TBC1D22A: variants seen among roughly 807,000 people sequenced by gnomAD.
The protein encoded by TBC1D22A is TBC1 domain family member 22A, also known as putative GTPase activator.
TBC1D22A carries 38 observed loss-of-function variants against 60.2 expected under a neutral mutation model. That is an observed-to-expected ratio of 0.63 (90% CI 0.49 to 0.83). The LOEUF is 0.83. Among genes scored for constraint, TBC1D22A ranks in the 40% least tolerant of loss-of-function variants. The pLI, the probability that TBC1D22A is intolerant of heterozygous loss-of-function variation, is 0.00. For synonymous variants in TBC1D22A, 302 were observed against 281.7 expected, an observed-to-expected ratio of 1.07 and a Z score of -0.72; for missense variants, 628 against 701.0, an observed-to-expected ratio of 0.90 and a Z score of 1.18.
intron 12 of TBC1D22A, among the ~76,000 whole-genome samples, chr22:47,138,365 G>A (rs976646890): frequency 5.9e-5 from 9 of 151,962 alleles, no homozygotes; most frequent in East Asian, 1.9e-4. Context: ...GGGGAGGAGC[G>A]AGCAGTAGGA....
chr22:46,851,038 G>GT (rs2087249647), intron 4 of TBC1D22A, among the ~76,000 whole-genome samples: 1 of 152,178 alleles, frequency 6.6e-6, no homozygotes, highest in Non-Finnish European at 1.5e-5. Flanking sequence ...ACAGGCACGT[G>GT]GTTCCTGTAT....
chr22:47,169,444 T>C (rs889440717), intron 12 of TBC1D22A, among the ~76,000 whole-genome samples: 17 of 152,198 alleles, frequency 1.1e-4, no homozygotes, highest in Admixed American at 9.8e-4. Flanking sequence ...GCCAGGACAA[T>C]GGGGCATTTT....
At chr22:46,942,314 G>A (rs1202313711) in intron 8 of TBC1D22A, among the ~76,000 whole-genome samples, 1 of 151,944 alleles carries the variant, frequency 6.6e-6, no homozygotes, top group Non-Finnish European at 1.5e-5. Context: ...TTCTGTATTT[G>A]GGTGAAAAGC....
intron 5 of TBC1D22A, among the ~76,000 whole-genome samples, chr22:46,884,618 G>A (rs1422113348): frequency 1.3e-5 from 2 of 152,222 alleles, no homozygotes; most frequent in East Asian, 3.9e-4. Flanking sequence ...GGTGGCCCCT[G>A]TGGTCTGTAG....
At position 47,120,904 on chromosome 22, in the gene TBC1D22A, C is replaced by T. The variant is rs529573592; in HGVS notation, c.1425+9301C>T. Among the ~76,000 whole-genome samples, 4 of 152,344 alleles carry T rather than the reference C, an allele frequency of 2.6e-5. No individual in the cohort carries two copies. The South Asian group carries it at 8.3e-4, about 32-fold the overall frequency. ...TAGCCCAAGAAAATGCCAGTTCACTCTAGAGTGGCACGTTTTAAGCACAAC... is the reference window on the plus strand; with the variant it reads ...TAGCCCAAGAAAATGCCAGTTCACTTTAGAGTGGCACGTTTTAAGCACAAC... On this transcript the variant is annotated intron_variant, in intron 12 of 12. Transcript: ENST00000337137.
intron 8 of TBC1D22A, among the ~76,000 whole-genome samples, chr22:46,972,293 G>A (rs764328699): frequency 2.0e-5 from 3 of 152,176 alleles, no homozygotes; most frequent in Non-Finnish European, 4.4e-5. Context: ...AGGGCGTCAG[G>A]TCTCTCACTC....
chr22:46,992,068 T>C (rs532337607), intron 9 of TBC1D22A, among the ~76,000 whole-genome samples: 2 of 152,300 alleles, frequency 1.3e-5, no homozygotes, highest in East Asian at 3.9e-4. Context: ...CAGACTGTCA[T>C]CCCTGTGAAC....
rs115688659 is a variant in TBC1D22A, at chr22:47,110,042, C to T, written c.1330-1466C>T. On this transcript the variant is annotated intron_variant, in intron 11 of 12. Transcript: ENST00000337137. ...CCGAGGATCTGTACCCCAGATGTTC[C>T]TGCCATTGCTTGCCTCTGCTCGCCT... Among the ~76,000 whole-genome samples, 970 of 152,266 alleles carry T rather than the reference C, an allele frequency of 6.4e-3. 13 individuals are homozygous for T. The highest frequency in any genetic ancestry group is 0.023 in the African/African-American group (937 of 41,542).
intron 8 of TBC1D22A, among the ~76,000 whole-genome samples, chr22:46,920,486 C>T (rs1350369931): frequency 6.6e-6 from 1 of 152,080 alleles, no homozygotes; most frequent in South Asian, 2.1e-4. Context: ...TCCATATATT[C>T]CCTAAAACTC....
chr22:46,856,227 G>A (rs368538064), intron 4 of TBC1D22A, among the ~76,000 whole-genome samples: 4 of 152,200 alleles, frequency 2.6e-5, no homozygotes, highest in East Asian at 1.9e-4. Context: ...GAGCCTCTGC[G>A]TGGCTGCCCC....
chr22:46,987,650 T>A (rs992913192), intron 9 of TBC1D22A, among the ~76,000 whole-genome samples: 11 of 152,330 alleles, frequency 7.2e-5, no homozygotes, highest in African/African-American at 2.6e-4. Context: ...CAAAACTACT[T>A]TATTGCTAGA....
At chr22:46,884,737 A>G (rs908141819) in intron 5 of TBC1D22A, among the ~76,000 whole-genome samples, 1 of 152,194 alleles carries the variant, frequency 6.6e-6, no homozygotes, top group Non-Finnish European at 1.5e-5. Context: ...GGTGGGCAGG[A>G]TTGGCTGATG....
chr22:47,107,821 T>C (rs2065692502), intron 11 of TBC1D22A, among the ~76,000 whole-genome samples: 1 of 152,242 alleles, frequency 6.6e-6, no homozygotes, highest in South Asian at 2.1e-4. Flanking sequence ...GCTGGAACAA[T>C]TGGATATCCA....
At chr22:47,155,243 G>A (rs1569475947) in intron 12 of TBC1D22A, among the ~76,000 whole-genome samples, 1 of 152,052 alleles carries the variant, frequency 6.6e-6, no homozygotes, top group East Asian at 1.9e-4. Context: ...GAATTACAAG[G>A]ACAGTATACA....
At chr22:46,771,613 G>A (rs79260093) in intron 1 of TBC1D22A, among the ~76,000 whole-genome samples, 7 of 133,724 alleles carry the variant, frequency 5.2e-5, no homozygotes, top group Non-Finnish European at 8.0e-5. Context: ...TTTTTTTTTT[G>A]AGATGGAGTC....
At chr22:46,816,072 T>C (rs1236079732) in intron 4 of TBC1D22A, among the ~76,000 whole-genome samples, 1 of 152,218 alleles carries the variant, frequency 6.6e-6, no homozygotes, top group Non-Finnish European at 1.5e-5. Flanking sequence ...ACTCACACCC[T>C]TGGGATAGGG....
intron 4 of TBC1D22A, among the ~76,000 whole-genome samples, chr22:46,817,899 C>T (rs1287901399): frequency 6.6e-6 from 1 of 152,198 alleles, no homozygotes; most frequent in African/African-American, 2.4e-5. Context: ...TCCCATTTCT[C>T]CGTAGCCTCA....
intron 8 of TBC1D22A, among the ~76,000 whole-genome samples, chr22:46,966,475 A>T: frequency 6.6e-6 from 1 of 152,214 alleles, no homozygotes. Flanking sequence ...TCTCACACAT[A>T]GAAGTGTTTG....
At chr22:47,056,369 G>A (rs1661593686) in intron 11 of TBC1D22A, among the ~76,000 whole-genome samples, 1 of 152,096 alleles carries the variant, frequency 6.6e-6, no homozygotes, top group South Asian at 2.1e-4. Flanking sequence ...AAGGCACAGG[G>A]CTGCCTGTGA....
Sources: allele counts gnomAD v4.1 joint callset (sites outside exome capture counted in the v4.1 genomes callset), GRCh38; gene constraint gnomAD v4.1.1; transcripts MANE v1.5; gene names NCBI Gene and HGNC (gene_info 2026-07-23, HGNC 2026-07-21).